Variants in BIRC6 observed in about 807,000 individuals in gnomAD.
BIRC6 encodes the protein baculoviral IAP repeat containing 6, also known as dual E2 ubiquitin-conjugating enzyme/E3 ubiquitin-protein ligase BIRC6.
In BIRC6, 98 loss-of-function variants were observed where a neutral mutation model predicts 503.3. The ratio of observed to expected loss-of-function variants is 0.19; its 90% CI spans 0.17 to 0.23. The LOEUF (loss-of-function observed/expected upper bound fraction) is 0.23. BIRC6 is among the 10% of genes least tolerant of loss of function. The pLI, the probability that BIRC6 is intolerant of heterozygous loss-of-function variation, is 1.00. For missense variants in BIRC6, 5,360 were observed against 5,806.0 expected (o/e 0.92, Z 2.50); for synonymous variants, 2,240 against 2,078.7 (o/e 1.08, Z -2.11).
Position 32,442,379 on chromosome 2 carries a change from A to G in BIRC6, c.4162A>G (p.Ile1388Val), listed in dbSNP as rs745552245. The change falls in exon 19 of 74, where the codon ATC (isoleucine) becomes GTC (valine). Residue 1388 changes from isoleucine to valine, a missense_variant. This residue lies in a region of BIRC6 where 2,299 missense variants were observed against 2,267.2 expected (regional missense o/e 1.01). Coordinates refer to ENST00000421745, the MANE Select transcript of BIRC6 (RefSeq NM_016252.4). ...AAAAACACGAAAATTTCTGTCAGAC[A>G]TCGTACGTGTTTGCTTCTTTGAGGC... Reference protein sequence around the residue: ...LSKTRKFLSDIVRVCFFEAGR... With the variant: ...LSKTRKFLSDVVRVCFFEAGR... 5.0e-6 allele frequency: 8 copies of G among 1,611,918 alleles called. No individual in the cohort carries two copies. The African/African-American group carries it at 5.3e-5, about 11-fold the overall frequency.
At chr2:32,447,646 G>C (rs1299692062) in intron 21 of BIRC6, among the ~76,000 whole-genome samples, 5 of 123,444 alleles carry the variant, frequency 4.1e-5, no homozygotes, top group African/African-American at 1.6e-4. Flanking sequence ...GGCTGGCCGG[G>C]CAGGGGGCTG....
Position 32,411,467 on chromosome 2 carries a change from G to A in BIRC6, c.1478-3302G>A, listed in dbSNP as rs191234775. Among the ~76,000 whole-genome samples the A allele has an allele frequency of 3.0e-3, 379 of 126,114 alleles. 6 individuals are homozygous for A. The highest frequency in any genetic ancestry group is 0.011 in the African/African-American group (369 of 33,604). 82.7% of individuals were successfully genotyped at this position (126,114 alleles called of 152,430 possible). On this transcript the variant is annotated intron_variant, in intron 9 of 73. Coordinates refer to ENST00000421745, the MANE Select transcript of BIRC6 (RefSeq NM_016252.4). ...TAAATTTTCTATTTTTTGTATTTTC[G>A]AAAATCGCCTAGAGTGGTTTTTTCT...
chr2:32,504,760 G>C (rs1572675391), intron 49 of BIRC6, among the ~76,000 whole-genome samples: 1 of 151,940 alleles, frequency 6.6e-6, no homozygotes, highest in Non-Finnish European at 1.5e-5. Context: ...TTTAGTTTTC[G>C]TGTATCATAT....
intron 40 of BIRC6, 21 bp from the exon 41 acceptor site, chr2:32,487,626 A>T: frequency 6.2e-7 from 1 of 1,607,382 alleles, no homozygotes; most frequent in Non-Finnish European, 8.5e-7. Context: ...GTATAAAATT[A>T]TACTTGTGTT....
chr2:32,560,864 C>T (rs973176549), intron 65 of BIRC6, among the ~76,000 whole-genome samples: 16 of 151,864 alleles, frequency 1.1e-4, no homozygotes, highest in African/African-American at 2.2e-4. Context: ...CCACTGTGCC[C>T]GACTTTTTTT....
At chr2:32,474,563 G>T (rs1015457224) in intron 33 of BIRC6, among the ~76,000 whole-genome samples, 2 of 152,172 alleles carry the variant, frequency 1.3e-5, no homozygotes, top group Admixed American at 1.3e-4. Context: ...TTTGATGGTT[G>T]TAACTGTGAT....
At chr2:32,513,960 A>T (rs1486414532) in intron 54 of BIRC6, among the ~76,000 whole-genome samples, 1 of 151,908 alleles carries the variant, frequency 6.6e-6, no homozygotes, top group South Asian at 2.1e-4. Flanking sequence ...CGTTCCAGCT[A>T]CTTGGGAGGC....
chr2:32,393,253 T>C (rs972945213), intron 5 of BIRC6, among the ~76,000 whole-genome samples: 3 of 152,006 alleles, frequency 2.0e-5, no homozygotes, highest in Non-Finnish European at 4.4e-5. Flanking sequence ...AAAACAGTCA[T>C]AGTTTTGTGT....
chr2:32,515,905 T>C, intron 55 of BIRC6, 135 bp downstream of exon 55: 1 of 792,862 alleles, frequency 1.3e-6, no homozygotes, highest in Non-Finnish European at 1.9e-6. Flanking sequence ...AAAGTACTGA[T>C]ATCTCCTTTC....
At position 32,445,589 on chromosome 2, in the gene BIRC6, G is replaced by T. The variant is rs760920343; in HGVS notation, c.4405G>T (p.Ala1469Ser). ...TGAAGATCTGGCTGGATGCAGTACA[G>T]CTTGTGCATCTTTGCTTACTGCAGT... ...KDEDLAGCST[A>S]CASLLTAVSR... The change falls in exon 21 of 74, where the codon GCT becomes TCT. Residue 1469 changes from alanine (A) to serine (S), a missense_variant. Ala to Ser is a moderately conservative substitution (Grantham distance 99, BLOSUM62 1). Coordinates refer to ENST00000421745, the MANE Select transcript of BIRC6 (RefSeq NM_016252.4). The T allele has an allele frequency of 1.2e-6, 2 of 1,606,764 alleles. No homozygotes were observed. The highest frequency in any genetic ancestry group is 1.7e-6 in the Non-Finnish European group (2 of 1,176,264).
intron 65 of BIRC6, among the ~76,000 whole-genome samples, chr2:32,555,849 G>A (rs2058733221): frequency 6.8e-6 from 1 of 147,288 alleles, no homozygotes; most frequent in Non-Finnish European, 1.5e-5. Context: ...CCAGGAGGGC[G>A]AGGCTGCAGT....
chr2:32,561,385 G>A (rs1441603319), intron 65 of BIRC6, among the ~76,000 whole-genome samples: 1 of 151,858 alleles, frequency 6.6e-6, no homozygotes, highest in Non-Finnish European at 1.5e-5. Context: ...GGGTCTACAG[G>A]CGTGTCAGCA....
chr2:32,376,886 G>T (rs2036867153), intron 1 of BIRC6, among the ~76,000 whole-genome samples: 1 of 152,122 alleles, frequency 6.6e-6, no homozygotes, highest in Admixed American at 6.5e-5. Context: ...TTGGACCTTT[G>T]ATTGAAAATA....
At chr2:32,575,037 C>T (rs1264721550) in intron 65 of BIRC6, 119 bp from the exon 66 acceptor site, 13 of 1,038,602 alleles carry the variant, frequency 1.3e-5, no homozygotes, top group East Asian at 4.8e-5. Context: ...CCTGAACCAG[C>T]GTGCCCAGCC....
At chr2:32,367,524 A>G (rs2035134307) in intron 1 of BIRC6, among the ~76,000 whole-genome samples, 2 of 152,032 alleles carry the variant, frequency 1.3e-5, no homozygotes, top group Non-Finnish European at 2.9e-5. Flanking sequence ...AGCGCTGTTA[A>G]AAAAAGTAAT....
intron 15 of BIRC6, among the ~76,000 whole-genome samples, chr2:32,438,174 G>T (rs1366125651): frequency 6.6e-6 from 1 of 152,138 alleles, no homozygotes; most frequent in African/African-American, 2.4e-5. Flanking sequence ...AATATACTAA[G>T]ATATTTTTTT....
intron 71 of BIRC6, 42 bp from the exon 72 acceptor site, chr2:32,607,413 A>C: frequency 1.5e-6 from 2 of 1,353,270 alleles, no homozygotes; most frequent in South Asian, 3.9e-5. Context: ...AACCCACAGT[A>C]AAAATGTCCC....
intron 65 of BIRC6, among the ~76,000 whole-genome samples, chr2:32,567,494 T>C (rs2059614794): frequency 6.6e-6 from 1 of 152,242 alleles, no homozygotes; most frequent in Non-Finnish European, 1.5e-5. Flanking sequence ...TTAGTGCAAC[T>C]GAAGAACTGA....
intron 59 of BIRC6, chr2:32,529,012 A>G (rs2056512151): frequency 6.6e-6 from 1 of 152,230 alleles, no homozygotes; most frequent in Admixed American, 6.5e-5. Context: ...GATGAGGGAT[A>G]CCCATCCTCT....
Sources: allele counts gnomAD v4.1 joint callset (sites outside exome capture counted in the v4.1 genomes callset), GRCh38; gene constraint gnomAD v4.1.1; regional missense constraint gnomAD v4.1.1; transcripts MANE v1.5; gene names NCBI Gene and HGNC (gene_info 2026-07-23, HGNC 2026-07-21).